Variants in PSMD7 observed in about 807,000 individuals in gnomAD.
PSMD7 encodes 26S proteasome non-ATPase regulatory subunit 7.
PSMD7 carries 13 observed loss-of-function variants against 36.4 expected under a neutral mutation model. The observed-to-expected ratio is 0.36, with a 90% confidence interval of 0.23 to 0.57. The LOEUF (loss-of-function observed/expected upper bound fraction) is 0.57. PSMD7 is among the 20% of genes least tolerant of loss of function. PSMD7 has a pLI of 0.83. For synonymous variants in PSMD7, 186 were observed against 151.0 expected (o/e 1.23, Z -1.70); for missense variants, 298 against 393.6 (o/e 0.76, Z 2.06).
chr16:74,299,699 C>G (rs1382446534), intron 1 of PSMD7: 1 of 349,414 alleles, frequency 2.9e-6, no homozygotes, highest in Non-Finnish European at 5.8e-6. Flanking sequence ...CGGCCTACTC[C>G]ATCATCTTTA....
chr16:74,304,054 G>A (rs928203840), intron 5 of PSMD7: 4 of 375,150 alleles, frequency 1.1e-5, no homozygotes, highest in African/African-American at 6.2e-5. Context: ...GTGTGGGCTT[G>A]AGGGAATTTC....
intron 2 of PSMD7, 82 bp from the exon 3 acceptor site, chr16:74,300,970 A>G (rs1400233287): frequency 4.0e-6 from 3 of 756,190 alleles, no homozygotes; most frequent in South Asian, 2.0e-5. Context: ...GTGAATCAGA[A>G]CTGGCCTAGG....
chr16:74,302,941 G>C (rs2034166754), intron 5 of PSMD7, among the ~76,000 whole-genome samples: 1 of 152,132 alleles, frequency 6.6e-6, no homozygotes, highest in African/African-American at 2.4e-5. Flanking sequence ...TCTTTGCCTG[G>C]CTACCAGGGA....
rs2034187638 is a variant in PSMD7 at position 74,305,414 on chromosome 16, A to G, written c.656A>G (p.Lys219Arg). The G allele has an allele frequency of 8.1e-6, 13 of 1,614,226 alleles. No individual in the cohort carries two copies. The East Asian group carries it at 2.7e-4, about 33-fold the overall frequency. Residue 219 changes from lysine (K) to arginine (R), a missense_variant, in exon 7 of 7, where the codon AAG (lysine) becomes AGG (arginine). Lys to Arg is a conservative substitution (Grantham distance 26). Transcript: ENST00000219313. ...RSYLEKVATG[K>R]LPINHQIIYQ... ...TACCTGGAAAAAGTCGCCACAGGCA[A>G]GCTGCCCATCAACCACCAGATCATC...
At chr16:74,302,922 G>A (rs1385440165) in intron 5 of PSMD7, among the ~76,000 whole-genome samples, 1 of 152,108 alleles carries the variant, frequency 6.6e-6, no homozygotes, top group Non-Finnish European at 1.5e-5. Flanking sequence ...TGTCTTCCTG[G>A]GGCTTTTCTC....
rs1349940948 is a variant in PSMD7, at chr16:74,304,001, CT to C, written c.439-298del. On this transcript the variant is annotated intron_variant, in intron 5 of 6. Transcript: ENST00000219313. The stretch of plus-strand genomic sequence containing the variant: ...GTCCGTGCCTGGCCAAAGCGGTATA[CT>C]TTTAAGAATCAACCTGAGACCTCCC... 9 of 240,066 alleles carry C rather than the reference CT, an allele frequency of 3.7e-5. No homozygotes were observed. The Admixed American group carries it at 4.6e-4, about 12-fold the overall frequency. 14.9% of individuals were successfully genotyped at this position (240,066 alleles called of 1,614,324 possible).
Position 74,296,880 on chromosome 16 carries a change from C to A in PSMD7, c.-35C>A, listed in dbSNP as rs369694607. 4.8e-4 allele frequency: 780 copies of A among 1,609,206 alleles called. No homozygotes were observed. Among genetic ancestry groups the A allele is most frequent in the Non-Finnish European group, 6.4e-4 (749 of 1,177,984 alleles). On this transcript the variant is annotated 5_prime_UTR_variant, in exon 1 of 7. Coordinates refer to ENST00000219313, the MANE Select transcript of PSMD7 (RefSeq NM_002811.5). Reference sequence around the variant, plus strand: ...TACTGCTGCCGGTGTTTGCGTGTGGCAGGGAGCCAGGCCTGGCGAGCGGGG... The same window carrying A: ...TACTGCTGCCGGTGTTTGCGTGTGGAAGGGAGCCAGGCCTGGCGAGCGGGG...
chr16:74,299,642 C>T (rs1235439609), intron 1 of PSMD7: 4 of 437,540 alleles, frequency 9.1e-6, no homozygotes, highest in Non-Finnish European at 1.9e-5. Flanking sequence ...GATCTGCCCA[C>T]CTCAGCCTCT....
chr16:74,301,954 G>A (rs895503137), intron 4 of PSMD7, among the ~76,000 whole-genome samples: 10 of 152,158 alleles, frequency 6.6e-5, no homozygotes, highest in Admixed American at 1.3e-4. Context: ...GGGTGGGACT[G>A]GGATTGAAAT....
At position 74,302,250 on chromosome 16, in the gene PSMD7, G is replaced by A; in HGVS notation, c.396G>A (p.Gly132=). Reference sequence around the variant, plus strand: ...TTGATGTGAAGCCGAAGGACCTAGGGCTGCCTACAGAAGCGTACATTTCAG... The same window carrying A: ...TTGATGTGAAGCCGAAGGACCTAGGACTGCCTACAGAAGCGTACATTTCAG... ...VIIDVKPKDL[G]LPTEAYISVE... is the part of the protein sequence containing the mutation. The change falls in exon 5 of 7, where the codon GGG becomes GGA. Residue 132 remains glycine, a synonymous_variant. Transcript: ENST00000219313. The A allele has an allele frequency of 3.1e-6, 5 of 1,614,124 alleles. No homozygotes were observed. Among genetic ancestry groups the A allele is most frequent in the Non-Finnish European group, 4.2e-6 (5 of 1,180,028 alleles).
chr16:74,299,375 C>T (rs1314551309), intron 1 of PSMD7, among the ~76,000 whole-genome samples: 1 of 152,072 alleles, frequency 6.6e-6, no homozygotes, highest in Non-Finnish European at 1.5e-5. Flanking sequence ...ATTCAGTCCT[C>T]CTCTATTCAT....
chr16:74,303,102 T>C (rs545398025), intron 5 of PSMD7, among the ~76,000 whole-genome samples: 1 of 152,250 alleles, frequency 6.6e-6, no homozygotes, highest in Admixed American at 6.5e-5. Flanking sequence ...GTGTTTTTAG[T>C]AGGGGATAAA....
rs1208671323 is a variant in PSMD7, at chr16:74,305,606, G to A, written c.848G>A (p.Arg283Gln). The change falls in exon 7 of 7, where the codon CGG (arginine) becomes CAG (glutamine). Residue 283 changes from arginine (R) to glutamine (Q), a missense_variant. Physicochemically the swap from Arg to Gln is conservative, Grantham distance 43. Transcript: ENST00000219313. ...CTCATCAACAACAAGATTGCCAACCGGGATGCAGAGAAGAAAGAAGGGCAG... is the reference window on the plus strand; with the variant it reads ...CTCATCAACAACAAGATTGCCAACCAGGATGCAGAGAAGAAAGAAGGGCAG... ...HNLINNKIANRDAEKKEGQEK... is the reference protein window; with the variant it reads ...HNLINNKIANQDAEKKEGQEK... 3 of 1,599,416 alleles carry A rather than the reference G, an allele frequency of 1.9e-6. No homozygotes were observed. The highest frequency in any genetic ancestry group is 1.3e-5 in the African/African-American group (1 of 74,674).
rs1046644473 is a variant in PSMD7 at position 74,297,675 on chromosome 16, A to C, written c.74+687A>C. ...TTCATTTGGCCCTGACCCCGGCCCC[A>C]GGGTCGTATTTATGTTTATCCTCGT... On this transcript the variant is annotated intron_variant, in intron 1 of 6. Transcript: ENST00000219313. Among the ~76,000 whole-genome samples the C allele has an allele frequency of 1.3e-5, 2 of 151,848 alleles. 1 individual carries two copies. Among genetic ancestry groups the C allele is most frequent in the Non-Finnish European group, 2.9e-5 (2 of 67,972 alleles).
Position 74,304,303 on chromosome 16 carries a change from G to A in PSMD7, c.439G>A (p.Asp147Asn). The change falls in exon 6 of 7, where the codon GAT (aspartate) becomes AAT (asparagine). Residue 147 changes from aspartate to asparagine, a missense_variant and splice_region_variant. Transcript: ENST00000219313. ...ATTATAGTTAGGCTTCCTCTCCCAGGATGGAACTCCAACCTCGAAAACATT... is the reference window on the plus strand; with the variant it reads ...ATTATAGTTAGGCTTCCTCTCCCAGAATGGAACTCCAACCTCGAAAACATT... ...AYISVEEVHD[D>N]GTPTSKTFEH... 1 of 1,613,584 alleles carries A rather than the reference G, an allele frequency of 6.2e-7. No homozygotes were observed. The highest frequency in any genetic ancestry group is 8.5e-7 in the Non-Finnish European group (1 of 1,179,528).
At chr16:74,305,183 T>C (rs1748314294) in intron 6 of PSMD7, 106 bp from the exon 7 acceptor site, 2 of 1,353,728 alleles carry the variant, frequency 1.5e-6, no homozygotes, top group African/African-American at 1.5e-5. Flanking sequence ...TTTAAAAACT[T>C]GCCTCACCCA....
chr16:74,302,096 T>C (rs773123157), intron 4 of PSMD7, 116 bp from the exon 5 acceptor site: 19 of 842,560 alleles, frequency 2.3e-5, no homozygotes, highest in Non-Finnish European at 3.5e-5. Context: ...CTGAATATTC[T>C]GGTTCATTTC....
intron 1 of PSMD7, chr16:74,299,633 A>G: frequency 2.2e-6 from 1 of 445,964 alleles, no homozygotes; most frequent in Non-Finnish European, 4.5e-6. Context: ...AGCTCAAGTG[A>G]TCTGCCCACC....
At chr16:74,300,822 G>A (rs934921595) in intron 2 of PSMD7, among the ~76,000 whole-genome samples, 1 of 152,204 alleles carries the variant, frequency 6.6e-6, no homozygotes, top group Non-Finnish European at 1.5e-5. Flanking sequence ...GCCCCTACCT[G>A]GCTGTAGCTG....
Sources: allele counts gnomAD v4.1 joint callset (sites outside exome capture counted in the v4.1 genomes callset), GRCh38; gene constraint gnomAD v4.1.1; transcripts MANE v1.5; gene names NCBI Gene and HGNC (gene_info 2026-07-23, HGNC 2026-07-21).